Variants in TTLL9 observed in about 807,000 individuals in gnomAD.
TTLL9 encodes the protein tubulin tyrosine ligase like 9, also known as probable tubulin polyglutamylase TTLL9.
TTLL9 carries 47 observed loss-of-function variants against 65.6 expected under a neutral mutation model. The observed-to-expected ratio is 0.72, with a 90% CI of 0.57 to 0.91. The LOEUF (loss-of-function observed/expected upper bound fraction) is 0.91. TTLL9 is among the 40% of genes least tolerant of loss of function. The pLI, the probability that TTLL9 is intolerant of heterozygous loss-of-function variation, is 0.00. For synonymous variants in TTLL9, 179 were observed against 204.8 expected (o/e 0.87, Z 1.07); for missense variants, 537 against 568.8 (o/e 0.94, Z 0.57).
intron 10 of TTLL9, among the ~76,000 whole-genome samples, chr20:31,930,262 A>G (rs1568829912): frequency 6.6e-6 from 1 of 152,194 alleles, no homozygotes; most frequent in African/African-American, 2.4e-5. Context: ...GGTGAAGCAG[A>G]TAGGGGCATT....
chr20:31,875,046 C>G (rs1600509172), intron 2 of TTLL9, among the ~76,000 whole-genome samples: 2 of 152,174 alleles, frequency 1.3e-5, no homozygotes, highest in Non-Finnish European at 2.9e-5. Flanking sequence ...TTTTAAGTCA[C>G]TTTGTTTGTT....
In TTLL9 at chr20:31,943,636, T is replaced by G. The variant is rs749753143; in HGVS notation, c.*615T>G. On this transcript the variant is annotated 3_prime_UTR_variant, in exon 15 of 15. Coordinates refer to ENST00000535842, the MANE Select transcript of TTLL9 (RefSeq NM_001008409.5). The stretch of plus-strand genomic sequence containing the variant: ...CCCATGGGGCTCCCTGACCATCATC[T>G]GAAAACCAGTGGGACAGGGCATCCC... 20 of 429,000 alleles carry G rather than the reference T, an allele frequency of 4.7e-5. No homozygotes were observed. Among genetic ancestry groups the G allele is most frequent in the Non-Finnish European group, 8.0e-5 (17 of 211,960 alleles). The allele number at this position is 429,000 out of a possible 1,614,324, so 26.6% of individuals were successfully genotyped here. A position where few individuals can be genotyped will look rare whatever the true frequency, so the allele number is the denominator to read the frequency against.
intron 10 of TTLL9, among the ~76,000 whole-genome samples, chr20:31,930,591 T>G (rs2063992365): frequency 6.6e-6 from 1 of 152,214 alleles, no homozygotes. Flanking sequence ...AACAGACTAT[T>G]GCATTTGCTA....
Position 31,932,990 on chromosome 20 carries a change from A to AAAAC in TTLL9, c.749-794_749-791dup, listed in dbSNP as rs569235376. Among the ~76,000 whole-genome samples the AAAAC allele has an allele frequency of 7.1e-3, 1,080 of 152,276 alleles. 5 individuals carry two copies. The highest frequency in any genetic ancestry group is 0.022 in the South Asian group (104 of 4,820). On this transcript the variant is annotated intron_variant, in intron 10 of 14. Coordinates refer to ENST00000535842, the MANE Select transcript of TTLL9 (RefSeq NM_001008409.5). ...CAGTCTGGGCAAAAGACTACGTCTC[A>AAAAC]AAACAAACAAACAAACAAATACAAC...
At chr20:31,933,736 G>A in intron 10 of TTLL9, 64 bp from the exon 11 acceptor site, 3 of 1,526,976 alleles carry the variant, frequency 2.0e-6, no homozygotes, top group Non-Finnish European at 1.8e-6. Flanking sequence ...CAGTCCTGGG[G>A]ACTTCGTGGG....
intron 4 of TTLL9, among the ~76,000 whole-genome samples, chr20:31,899,165 C>T (rs1223427541): frequency 6.6e-6 from 1 of 152,228 alleles, no homozygotes; most frequent in Non-Finnish European, 1.5e-5. Flanking sequence ...CATTGAAGTC[C>T]ATATGTAGGA....
At chr20:31,940,278 A>G (rs1261332551) in intron 14 of TTLL9, 1 of 152,206 alleles carries the variant, frequency 6.6e-6, no homozygotes, top group African/African-American at 2.4e-5. Flanking sequence ...TGTGCATTCC[A>G]TTGATTACTG....
chr20:31,889,123 A>G (rs1049888904), intron 3 of TTLL9, among the ~76,000 whole-genome samples: 1 of 152,200 alleles, frequency 6.6e-6, no homozygotes, highest in African/African-American at 2.4e-5. Flanking sequence ...ACATATAGAT[A>G]TGTGTTCCAC....
chr20:31,905,015 A>G (rs551904845), intron 4 of TTLL9, among the ~76,000 whole-genome samples: 1 of 152,286 alleles, frequency 6.6e-6, no homozygotes, highest in African/African-American at 2.4e-5. Flanking sequence ...ATGAAGCCCC[A>G]GCCAGCCAGC....
intron 10 of TTLL9, among the ~76,000 whole-genome samples, chr20:31,931,296 C>G (rs2123610373): frequency 6.6e-6 from 1 of 152,160 alleles, no homozygotes; most frequent in East Asian, 1.9e-4. Context: ...CCAGGCTGGT[C>G]TCAAACTCCT....
Position 31,909,815 on chromosome 20 carries a change from G to T in TTLL9, c.397G>T (p.Ala133Ser). Residue 133 changes from alanine (A) to serine (S), a missense_variant, in exon 6 of 15, where the codon GCA (alanine) becomes TCA (serine). Physicochemically the swap from Ala to Ser is moderately conservative, Grantham distance 99. Coordinates refer to ENST00000535842, the MANE Select transcript of TTLL9 (RefSeq NM_001008409.5). ...GGAGCGTGAGGCAGGAAAGCTGGAG[G>T]CAGCCAAGTGTGACTTCTTCCCCAA... ...QLEREAGKLE[A>S]AKCDFFPKTF... 6.2e-7 allele frequency: 1 copy of T among 1,614,194 alleles called. No individual in the cohort carries two copies. The highest frequency in any genetic ancestry group is 1.1e-5 in the South Asian group (1 of 91,084).
intron 6 of TTLL9, among the ~76,000 whole-genome samples, chr20:31,911,654 G>C (rs2063649110): frequency 6.6e-6 from 1 of 152,222 alleles, no homozygotes; most frequent in Admixed American, 6.5e-5. Flanking sequence ...TGACCCACCA[G>C]GGCGGATTCC....
chr20:31,936,733 G>A (rs1361005133), intron 12 of TTLL9, among the ~76,000 whole-genome samples: 1 of 152,090 alleles, frequency 6.6e-6, no homozygotes, highest in African/African-American at 2.4e-5. Flanking sequence ...CATCTCTATT[G>A]GAAGAAGGGA....
rs758577148 is a variant in TTLL9, at chr20:31,871,154, G to T, written c.28G>T (p.Gly10Ter). Residue 10 changes from glycine to a stop codon, truncating the protein, a stop_gained, in exon 2 of 15, where the codon GGA becomes TGA. Coordinates refer to ENST00000535842, the MANE Select transcript of TTLL9 (RefSeq NM_001008409.5). LOFTEE classifies it high-confidence loss of function. ...GGTGCCATCCAGGGAAGCTCTGCTG[G>T]GACCAGGCACAACTGCCATTAGGTG... MVPSREALL[G>*]PGTTAIRCPK... The T allele has an allele frequency of 1.2e-6, 2 of 1,614,126 alleles. No individual in the cohort carries two copies. Among genetic ancestry groups the T allele is most frequent in the Admixed American group, 3.3e-5 (2 of 60,020 alleles).
chr20:31,889,289 G>A (rs935133167), intron 3 of TTLL9, among the ~76,000 whole-genome samples: 11 of 147,962 alleles, frequency 7.4e-5, no homozygotes, highest in African/African-American at 2.7e-4. Context: ...TTTTTGAGAC[G>A]GAGTCTCACT....
Position 31,908,616 on chromosome 20 carries a change from T to C in TTLL9, c.232T>C (p.Cys78Arg), listed in dbSNP as rs201898507. ...CGAAGGGGAGTGGGATTTCTACTGGTGTGACGTCAGCTGGCTCCGGGAGAA... is the reference window on the plus strand; with the variant it reads ...CGAAGGGGAGTGGGATTTCTACTGGCGTGACGTCAGCTGGCTCCGGGAGAA... Reference protein sequence around the residue: ...KDEGEWDFYWCDVSWLRENFD... With the variant: ...KDEGEWDFYWRDVSWLRENFD... The change falls in exon 5 of 15, where the codon TGT (cysteine) becomes CGT (arginine). Residue 78 changes from cysteine (C) to arginine (R), a missense_variant. Coordinates refer to ENST00000535842, the MANE Select transcript of TTLL9 (RefSeq NM_001008409.5). 1.2e-3 allele frequency: 1,896 copies of C among 1,600,906 alleles called. 4 individuals are homozygous for C. The highest frequency in any genetic ancestry group is 1.1e-3 in the Non-Finnish European group (1,268 of 1,171,558).
At chr20:31,876,401 G>A (rs897119538) in intron 2 of TTLL9, among the ~76,000 whole-genome samples, 5 of 152,244 alleles carry the variant, frequency 3.3e-5, no homozygotes, top group African/African-American at 7.2e-5. Flanking sequence ...AGCCAAGATC[G>A]TACCATTGCA....
chr20:31,919,577 A>G (rs2063784744), intron 6 of TTLL9, among the ~76,000 whole-genome samples: 1 of 152,216 alleles, frequency 6.6e-6, no homozygotes, highest in Admixed American at 6.5e-5. Flanking sequence ...ATATGTTCCC[A>G]GGACTGTTAG....
chr20:31,872,538 G>C (rs6061006), intron 2 of TTLL9, among the ~76,000 whole-genome samples: 172 of 151,692 alleles, frequency 1.1e-3, no homozygotes, highest in African/African-American at 3.9e-3. Context: ...AATTAGCCGG[G>C]ACCTGTAGTC....
Sources: allele counts gnomAD v4.1 joint callset (sites outside exome capture counted in the v4.1 genomes callset), GRCh38; gene constraint gnomAD v4.1.1; transcripts MANE v1.5; gene names NCBI Gene and HGNC (gene_info 2026-07-23, HGNC 2026-07-21).